Variants in TM4SF4 observed in about 807,000 individuals in gnomAD.
TM4SF4 encodes the protein transmembrane 4 L six family member 4, also known as transmembrane 4 L6 family member 4.
A neutral mutation model predicts 24.1 loss-of-function variants in TM4SF4; 24 were observed. The ratio of observed to expected loss-of-function variants is 1.00; its 90% confidence interval spans 0.72 to 1.40. TM4SF4 has a LOEUF of 1.40. TM4SF4 is among the 40% of genes most tolerant of loss of function. The probability of loss-of-function intolerance (pLI) is 0.00; values close to 1 mark genes in which losing one functional copy is unlikely to be tolerated. For missense variants in TM4SF4, 254 were observed against 254.2 expected (o/e 1.00, Z 0.01); for synonymous variants, 113 against 97.0 (o/e 1.17, Z -0.97).
At chr3:149,492,143 C>A (rs1432756698) in intron 3 of TM4SF4, among the ~76,000 whole-genome samples, 3 of 152,042 alleles carry the variant, frequency 2.0e-5, no homozygotes, top group Admixed American at 2.0e-4. Context: ...ACCCAGGCAG[C>A]AGAATTGGGG....
intron 3 of TM4SF4, among the ~76,000 whole-genome samples, chr3:149,488,239 G>A (rs1734153505): frequency 6.6e-6 from 1 of 152,100 alleles, no homozygotes; most frequent in Non-Finnish European, 1.5e-5. Flanking sequence ...ATCATTGTAG[G>A]TTTCTCATGT....
intron 1 of TM4SF4, 60 bp downstream of exon 1, chr3:149,475,111 T>C (rs932235905): frequency 5.3e-6 from 8 of 1,522,280 alleles, no homozygotes; most frequent in Non-Finnish European, 7.1e-6. Flanking sequence ...CAATCCTTTT[T>C]AAATCAGGTA....
At position 149,498,595 on chromosome 3, in the gene TM4SF4, G is replaced by A. The variant is rs1734357168; in HGVS notation, c.402-127G>A. 9 of 780,440 alleles carry A rather than the reference G, an allele frequency of 1.2e-5. No individual in the cohort carries two copies. The South Asian group carries it at 1.5e-4, about 13-fold the overall frequency. 48.3% of individuals were successfully genotyped at this position (780,440 alleles called of 1,614,324 possible). On this transcript the variant is annotated intron_variant, in intron 3 of 4. Transcript: ENST00000305354. ...GTGGTATTTAAATTGTTAGTACAGA[G>A]TATTTTCTCGTGAAGCTAGTTTTGG...
In TM4SF4 at chr3:149,474,887, G is replaced by A; in HGVS notation, c.10G>A (p.Gly4Arg). MCT[G>R]GCARCLGGTL... ...GTCGTACCACCCCAGAATGTGCACT[G>A]GGGGCTGTGCCAGATGCCTGGGGGG... The change falls in exon 1 of 5, where the codon GGG becomes AGG. Residue 4 changes from glycine (G) to arginine (R), a missense_variant. Physicochemically the swap from Gly to Arg is moderately radical, Grantham distance 125. Transcript: ENST00000305354. 2 of 1,613,398 alleles carry A rather than the reference G, an allele frequency of 1.2e-6. No individual in the cohort carries two copies. The highest frequency in any genetic ancestry group is 1.7e-6 in the Non-Finnish European group (2 of 1,179,694).
intron 3 of TM4SF4, among the ~76,000 whole-genome samples, chr3:149,492,905 C>T (rs1014687183): frequency 1.1e-4 from 16 of 152,166 alleles, no homozygotes; most frequent in Admixed American, 1.3e-4. Flanking sequence ...CTTTCATGAA[C>T]CAGAAACAGT....
chr3:149,483,588 T>A (rs1472021759), intron 2 of TM4SF4, among the ~76,000 whole-genome samples: 1 of 150,466 alleles, frequency 6.6e-6, no homozygotes, highest in African/African-American at 2.4e-5. Context: ...GTACCATGTA[T>A]ACTGAACTGC....
chr3:149,496,413 A>G (rs558594041), intron 3 of TM4SF4, among the ~76,000 whole-genome samples: 1 of 152,260 alleles, frequency 6.6e-6, no homozygotes, highest in South Asian at 2.1e-4. Context: ...TTTAATGGAA[A>G]CAACTTGACC....
chr3:149,496,870 A>T (rs1161618945), intron 3 of TM4SF4, among the ~76,000 whole-genome samples: 2 of 72,060 alleles, frequency 2.8e-5, no homozygotes, highest in Non-Finnish European at 4.7e-5. Flanking sequence ...TATATAGATT[A>T]AAAAAAAAAA....
chr3:149,486,239 C>T (rs990753256), intron 2 of TM4SF4, among the ~76,000 whole-genome samples: 8 of 152,110 alleles, frequency 5.3e-5, no homozygotes, highest in South Asian at 2.1e-4. Flanking sequence ...TAAGCTGCCA[C>T]GTCTAATTTT....
chr3:149,495,374 C>T lies in TM4SF4; in HGVS notation c.402-3348C>T, dbSNP rs141971646. 9.3e-6 allele frequency: 3 copies of T among 322,816 alleles called. No homozygotes were observed. In the East Asian group the frequency reaches 3.1e-4, roughly 34 times the overall value. 20.0% of individuals were successfully genotyped at this position (322,816 alleles called of 1,614,324 possible). ...CCACCAACTCATCCAACCGACAAGC[C>T]CTTGCATCTGCCCCTCCAGATGTCT... On this transcript the variant is annotated intron_variant, in intron 3 of 4. Coordinates refer to ENST00000305354, the MANE Select transcript of TM4SF4 (RefSeq NM_004617.4).
At position 149,474,906 on chromosome 3, in the gene TM4SF4, TG is replaced by T. The variant is rs747355584; in HGVS notation, c.36del (p.Thr13ProfsTer23). On this transcript the variant is annotated frameshift_variant, in exon 1 of 5. Transcript: ENST00000305354. LOFTEE classifies it high-confidence loss of function. MCTGGCARC[L>X]GGTLIPLAFF... The stretch of plus-strand genomic sequence containing the variant: ...TGCACTGGGGGCTGTGCCAGATGCC[TG>T]GGGGGGACCCTCATTCCCCTTGCTT... 1.2e-5 allele frequency: 20 copies of T among 1,613,552 alleles called. No homozygotes were observed. Among genetic ancestry groups the T allele is most frequent in the South Asian group, 3.3e-5 (3 of 91,046 alleles).
chr3:149,496,614 C>T (rs1281131873), intron 3 of TM4SF4, among the ~76,000 whole-genome samples: 4 of 151,942 alleles, frequency 2.6e-5, no homozygotes, highest in East Asian at 3.9e-4. Flanking sequence ...ACCAAAAATA[C>T]AAAATTAGCC....
At position 149,474,929 on chromosome 3, in the gene TM4SF4, G is replaced by A; in HGVS notation, c.52G>A (p.Ala18Thr). 6.2e-7 allele frequency: 1 copy of A among 1,613,934 alleles called. No homozygotes were observed. The highest frequency in any genetic ancestry group is 8.5e-7 in the Non-Finnish European group (1 of 1,179,868). ...RCLGGTLIPL[A>T]FFGFLANILL... ...CCTGGGGGGGACCCTCATTCCCCTT[G>A]CTTTTTTTGGCTTCCTGGCTAACAT... is the stretch of plus-strand genomic sequence containing the variant. Residue 18 changes from alanine to threonine, a missense_variant, in exon 1 of 5, where the codon GCT becomes ACT. Physicochemically the swap from Ala to Thr is moderately conservative, Grantham distance 58. Coordinates refer to ENST00000305354, the MANE Select transcript of TM4SF4 (RefSeq NM_004617.4).
chr3:149,487,124 G>A (rs761609451), intron 2 of TM4SF4, among the ~76,000 whole-genome samples: 19 of 152,200 alleles, frequency 1.2e-4, no homozygotes, highest in East Asian at 3.9e-4. Flanking sequence ...GCATGGTGGC[G>A]CACGCCTGTA....
At chr3:149,494,233 G>A (rs1397007798) in intron 3 of TM4SF4, among the ~76,000 whole-genome samples, 2 of 152,176 alleles carry the variant, frequency 1.3e-5, no homozygotes, top group Admixed American at 6.5e-5. Flanking sequence ...GAGAGAAGAA[G>A]GGCCTGAGTG....
At chr3:149,500,520 T>C (rs969726328) in intron 4 of TM4SF4, among the ~76,000 whole-genome samples, 2 of 152,194 alleles carry the variant, frequency 1.3e-5, no homozygotes, top group South Asian at 2.1e-4. Context: ...TCTTTAAACA[T>C]ACTAGAGAGG....
At chr3:149,479,087 A>G (rs1733985786) in intron 2 of TM4SF4, among the ~76,000 whole-genome samples, 1 of 152,104 alleles carries the variant, frequency 6.6e-6, no homozygotes, top group African/African-American at 2.4e-5. Flanking sequence ...TTTTTTAATC[A>G]GCTCCCAATT....
intron 2 of TM4SF4, among the ~76,000 whole-genome samples, chr3:149,478,783 G>A (rs964042693): frequency 2.0e-5 from 3 of 152,114 alleles, no homozygotes; most frequent in African/African-American, 4.8e-5. Flanking sequence ...TTTTTGAGGC[G>A]AAGTCTCGCT....
At chr3:149,493,101 A>G (rs769457708) in intron 3 of TM4SF4, among the ~76,000 whole-genome samples, 2 of 152,214 alleles carry the variant, frequency 1.3e-5, no homozygotes, top group Non-Finnish European at 2.9e-5. Flanking sequence ...AGTTCCTACC[A>G]CATACTTGCT....
Sources: allele counts gnomAD v4.1 joint callset (sites outside exome capture counted in the v4.1 genomes callset), GRCh38; gene constraint gnomAD v4.1.1; transcripts MANE v1.5; gene names NCBI Gene and HGNC (gene_info 2026-07-23, HGNC 2026-07-21).